MXD3: variants seen among roughly 807,000 people sequenced by gnomAD.
MXD3 encodes Max-associated protein 3.
MXD3 carries 20 observed loss-of-function variants against 27.5 expected under a neutral mutation model. That is an observed-to-expected ratio of 0.73 (90% CI 0.51 to 1.06). The LOEUF (loss-of-function observed/expected upper bound fraction) is 1.06, where lower values mean the gene tolerates loss of function less well. Ranked by LOEUF, MXD3 falls within the 50% of genes least tolerant of loss-of-function variation. The probability of loss-of-function intolerance (pLI) is 0.00; values close to 1 mark genes in which losing one functional copy is unlikely to be tolerated. For missense variants in MXD3, 298 were observed against 291.3 expected, an observed-to-expected ratio of 1.02 and a Z score of -0.17; for synonymous variants, 150 against 130.7, an observed-to-expected ratio of 1.15 and a Z score of -1.01.
upstream of MXD3, chr5:177,312,539 G>A (rs1761063013): frequency 1.0e-6 from 1 of 985,454 alleles, no homozygotes; most frequent in African/African-American, 1.7e-5. Context: ...CGGAGGGGCG[G>A]CGGACCCGGC....
chr5:177,311,992 T>C, upstream of MXD3: 3 of 1,289,810 alleles, frequency 2.3e-6, no homozygotes, highest in South Asian at 4.7e-5. Context: ...GCTCCGCCCC[T>C]CTGGAACCCG....
intron 4 of MXD3, among the ~76,000 whole-genome samples, chr5:177,308,529 T>C (rs1581590170): frequency 6.6e-6 from 1 of 152,062 alleles, no homozygotes; most frequent in East Asian, 1.9e-4. Flanking sequence ...CCCGCCACCA[T>C]GCCCAGCTAA....
Position 177,311,402 on chromosome 5 carries a change from A to G in MXD3, c.153T>C (p.Ala51=), listed in dbSNP as rs779420280. ...IHRRKKRPPQ[A]PGAQDSGRSV... is the part of the protein sequence containing the mutation. Reference sequence around the variant, plus strand: ...ACCGCCCGCTGTCCTGCGCGCCAGGAGCCTGGGGGGGTCGCTTCTTCCTCC... The same window carrying G: ...ACCGCCCGCTGTCCTGCGCGCCAGGGGCCTGGGGGGGTCGCTTCTTCCTCC... The change falls in exon 2 of 6, where the codon GCT becomes GCC. Residue 51 remains alanine, a synonymous_variant. Coordinates refer to ENST00000439742, the MANE Select transcript of MXD3 (RefSeq NM_031300.4). 1.7e-5 allele frequency: 24 copies of G among 1,401,728 alleles called. No individual in the cohort carries two copies. In the African/African-American group the frequency reaches 3.0e-4, roughly 17 times the overall value. 86.8% of individuals were successfully genotyped at this position (1,401,728 alleles called of 1,614,324 possible). A position where few individuals can be genotyped will look rare whatever the true frequency, so the allele number is the denominator to read the frequency against.
chr5:177,307,204 G>A (rs764153347), downstream of MXD3: 18 of 1,551,486 alleles, frequency 1.2e-5, no homozygotes, highest in Admixed American at 1.2e-4. Context: ...GACTATGGAC[G>A]GGAAGTTATG....
At chr5:177,311,904 G>GT, upstream of MXD3, 1 of 1,540,062 alleles carries the variant, frequency 6.5e-7, no homozygotes, top group Non-Finnish European at 8.7e-7. Context: ...TTGTTACAAA[G>GT]TAACTGACAC....
downstream of MXD3, chr5:177,306,541 AAGCAGC>A (rs752842665): frequency 3.7e-6 from 6 of 1,611,440 alleles, no homozygotes; most frequent in Middle Eastern, 1.6e-4. Flanking sequence ...GGCCACCAAG[AAGCAGC>A]AGCAGCAGCA....
At position 177,307,973 on chromosome 5, in the gene MXD3, C is replaced by A; in HGVS notation, c.322-9G>T. On this transcript the variant is annotated splice_polypyrimidine_tract_variant and intron_variant, in intron 4 of 5. Transcript: ENST00000439742. Reference sequence around the variant, plus strand: ...TCCTGATCCTCCAGCTTCTGCGGATCCCAAAGGAGCAAGGGGCTGGGGTCA... The same window carrying A: ...TCCTGATCCTCCAGCTTCTGCGGATACCAAAGGAGCAAGGGGCTGGGGTCA... 6.5e-7 allele frequency: 1 copy of A among 1,532,578 alleles called. No homozygotes were observed. Among genetic ancestry groups the A allele is most frequent in the Admixed American group, 1.9e-5 (1 of 51,402 alleles). The allele number at this position is 1,532,578 out of a possible 1,614,324, so 94.9% of individuals were successfully genotyped here.
chr5:177,307,068 A>C, downstream of MXD3: 1 of 1,461,344 alleles, frequency 6.8e-7, no homozygotes, highest in Non-Finnish European at 9.1e-7. Context: ...TGGAGACAGA[A>C]CAGCCTCAAG....
At position 177,310,369 on chromosome 5, in the gene MXD3, T is replaced by C. The variant is rs568954959; in HGVS notation, c.321+57A>G. On this transcript the variant is annotated intron_variant, in intron 4 of 5. Transcript: ENST00000439742. ...TTCCCCAGTCCCACCAGCCCCTCCA[T>C]AGCACAGCCCTCCATACACCAGGGC... The C allele has an allele frequency of 1.7e-4, 236 of 1,419,166 alleles. 4 individuals are homozygous for C. The highest frequency in any genetic ancestry group is 1.1e-3 in the South Asian group (87 of 79,534). The allele number at this position is 1,419,166 out of a possible 1,614,324, so 87.9% of individuals were successfully genotyped here.
chr5:177,307,797 G>T lies in MXD3; in HGVS notation c.489C>A (p.Arg163=). The T allele has an allele frequency of 6.2e-7, 1 of 1,613,154 alleles. No individual in the cohort carries two copies. The highest frequency in any genetic ancestry group is 8.5e-7 in the Non-Finnish European group (1 of 1,179,798). ...SLDSSGLSSE[R]SDSDQEELEV... ...GGCACTCACCTTGGTCTGAGTCTGA[G>T]CGCTCAGAGGAGAGGCCTGAGGAGT... is the stretch of plus-strand genomic sequence containing the variant. Residue 163 remains arginine (R), a synonymous_variant, in exon 5 of 6, where the codon CGC becomes CGA. Transcript: ENST00000439742.
At chr5:177,308,141 C>CGAAA in intron 4 of MXD3, 177 bp from the exon 5 acceptor site, 1 of 613,372 alleles carries the variant, frequency 1.6e-6, no homozygotes, top group East Asian at 2.8e-5. Context: ...CAGCCCCTTT[C>CGAAA]CGGCCATGCA....
downstream of MXD3, chr5:177,306,204 T>G: frequency 6.3e-7 from 1 of 1,597,300 alleles, no homozygotes; most frequent in African/African-American, 1.3e-5. Context: ...TGGATATTCC[T>G]CATAGGGAGA....
chr5:177,312,320 A>G (rs529224144), upstream of MXD3: 10 of 986,538 alleles, frequency 1.0e-5, no homozygotes, highest in South Asian at 4.6e-4. Flanking sequence ...CCGCTCGCCC[A>G]TTCGCACATG....
At chr5:177,312,541 G>A (rs1761063068), upstream of MXD3, 2 of 985,444 alleles carry the variant, frequency 2.0e-6, no homozygotes, top group Non-Finnish European at 2.4e-6. Flanking sequence ...GAGGGGCGGC[G>A]GACCCGGCTC....
At chr5:177,312,236 G>T, upstream of MXD3, 1 of 987,400 alleles carries the variant, frequency 1.0e-6, no homozygotes, top group Non-Finnish European at 1.2e-6. Flanking sequence ...GGCGCTCTGG[G>T]GGCCTGGTGG....
downstream of MXD3, chr5:177,307,065 A>T: frequency 6.9e-7 from 1 of 1,459,044 alleles, no homozygotes; most frequent in Admixed American, 2.8e-5. Context: ...AAGTGGAGAC[A>T]GAACAGCCTC....
downstream of MXD3, chr5:177,306,521 C>T: frequency 6.2e-7 from 1 of 1,612,540 alleles, no homozygotes; most frequent in East Asian, 2.2e-5. Flanking sequence ...AAGGACCTCG[C>T]CAGCAAGGCG....
downstream of MXD3, chr5:177,306,829 G>T: frequency 1.3e-6 from 1 of 746,160 alleles, no homozygotes; most frequent in South Asian, 1.9e-5. Context: ...GTAGCCTGCA[G>T]GTTAACTGGC....
chr5:177,310,628 C>A, intron 3 of MXD3, 40 bp downstream of exon 3: 1 of 1,614,108 alleles, frequency 6.2e-7, no homozygotes, highest in Non-Finnish European at 8.5e-7. Flanking sequence ...GGGCAGTGGC[C>A]CCTGGGGGCT....
Sources: gnomAD v4.1 joint callset for allele counts (sites outside exome capture counted in the v4.1 genomes callset) on GRCh38, gnomAD v4.1.1 for gene constraint, MANE v1.5 for transcripts, NCBI Gene and HGNC (gene_info 2026-07-23, HGNC 2026-07-21) for gene names.